The following VPS8 variants were observed in gnomAD, a reference collection of about 807,000 sequenced individuals.
The protein encoded by VPS8 is vacuolar protein sorting-associated protein 8 homolog.
In VPS8, 129 loss-of-function variants were observed where a neutral mutation model predicts 216.4. The observed-to-expected ratio is 0.60, with a 90% CI of 0.52 to 0.69. The LOEUF is 0.69. Among genes scored for constraint, VPS8 ranks in the 30% least tolerant of loss-of-function variants. The probability of loss-of-function intolerance (pLI) is 0.00; values close to 1 mark genes in which losing one functional copy is unlikely to be tolerated. For synonymous variants in VPS8, 571 were observed against 565.4 expected, an observed-to-expected ratio of 1.01 and a Z score of -0.14; for missense variants, 1,531 against 1,683.5, an observed-to-expected ratio of 0.91 and a Z score of 1.59.
intron 25 of VPS8, among the ~76,000 whole-genome samples, chr3:184,912,920 A>G (rs146033870): frequency 8.5e-5 from 13 of 152,310 alleles, no homozygotes; most frequent in African/African-American, 2.6e-4. Context: ...CTCCTGCTCC[A>G]TTCTGTATTG....
rs187827021 is a variant in VPS8, at chr3:184,894,882, C to T, written c.1961C>T (p.Ala654Val). The T allele has an allele frequency of 2.1e-5, 33 of 1,608,744 alleles. No homozygotes were observed. Among genetic ancestry groups the T allele is most frequent in the East Asian group, 4.5e-5 (2 of 44,736 alleles). ...AAAAAATTAATGGAAAATGTGGAAG[C>T]GCTCATTGTACATATGGATATCACC... ...QDKKLMENVE[A>V]LIVHMDITSL... The change falls in exon 23 of 48, where the codon GCG (alanine) becomes GTG (valine). Residue 654 changes from alanine (A) to valine (V), a missense_variant. This residue lies in a region of VPS8 where 1,318 missense variants were observed against 1,468.4 expected (regional missense o/e 0.90). Coordinates refer to ENST00000625842, the MANE Select transcript of VPS8 (RefSeq NM_001009921.3).
At chr3:184,962,119 T>A (rs192492842) in intron 37 of VPS8, among the ~76,000 whole-genome samples, 31 of 152,372 alleles carry the variant, frequency 2.0e-4, no homozygotes, top group South Asian at 2.1e-4. Flanking sequence ...ATTCATTTAA[T>A]GATCTTACGG....
intron 37 of VPS8, among the ~76,000 whole-genome samples, chr3:184,962,928 A>T (rs940136386): frequency 3.3e-5 from 5 of 152,148 alleles, no homozygotes; most frequent in African/African-American, 1.2e-4. Flanking sequence ...CCAGTGGTCC[A>T]TGTGGCATTT....
intron 9 of VPS8, chr3:184,849,443 C>A: frequency 3.1e-6 from 1 of 327,868 alleles, no homozygotes; most frequent in East Asian, 6.8e-5. Flanking sequence ...TTTTTGTAAA[C>A]CAACCAGGGA....
chr3:184,946,925 T>G (rs1304145255), intron 36 of VPS8, among the ~76,000 whole-genome samples: 2 of 152,060 alleles, frequency 1.3e-5, no homozygotes, highest in African/African-American at 4.8e-5. Flanking sequence ...AGAAGCTTAT[T>G]AATGTGTGAT....
chr3:184,824,693 G>A lies in VPS8; in HGVS notation c.61G>A (p.Glu21Lys). ...GAGCCTCTGTGCCAAGACGAGCGAAGAAGAGCTGAATAAGTCTTTCAATCT... is the reference window on the plus strand; with the variant it reads ...GAGCCTCTGTGCCAAGACGAGCGAAAAAGAGCTGAATAAGTCTTTCAATCT... Reference protein sequence around the residue: ...EQSLCAKTSEEELNKSFNLEA... With the variant: ...EQSLCAKTSEKELNKSFNLEA... The change falls in exon 2 of 48, where the codon GAA becomes AAA. Residue 21 changes from glutamate to lysine, a missense_variant. By Grantham distance (56) the Glu-to-Lys change is moderately conservative. Coordinates refer to ENST00000625842, the MANE Select transcript of VPS8 (RefSeq NM_001009921.3). The A allele has an allele frequency of 6.2e-7, 1 of 1,613,986 alleles. No homozygotes were observed. The highest frequency in any genetic ancestry group is 8.5e-7 in the Non-Finnish European group (1 of 1,179,882).
In VPS8 at chr3:184,966,676, A is replaced by T; in HGVS notation, c.3279A>T (p.Leu1093=). The T allele has an allele frequency of 5.7e-6, 9 of 1,591,604 alleles. No homozygotes were observed. Among genetic ancestry groups the T allele is most frequent in the Non-Finnish European group, 7.7e-6 (9 of 1,165,906 alleles). The part of the protein sequence containing the change: ...HGAFLIMLER[L]QSKLQEVTHQ... ...ATGTTCTTTTTATCTCCTAGAGACT[A>T]CAAAGCAAACTTCAAGAGGTAACAC... The change falls in exon 39 of 48, where the codon CTA becomes CTT. Residue 1093 remains leucine (L), a synonymous_variant. Coordinates refer to ENST00000625842, the MANE Select transcript of VPS8 (RefSeq NM_001009921.3).
rs937672672 is a variant in VPS8, at chr3:184,920,095, A to G, written c.2383-32A>G. ...TTTTCTTCTACATGTGCAAATAATA[A>G]TTACTTTAAAAAATTTATTTCTCCC... On this transcript the variant is annotated intron_variant, in intron 28 of 47. Coordinates refer to ENST00000625842, the MANE Select transcript of VPS8 (RefSeq NM_001009921.3). 2.1e-6 allele frequency: 3 copies of G among 1,402,782 alleles called. No individual in the cohort carries two copies. In the African/African-American group the frequency reaches 4.4e-5, roughly 20 times the overall value. The allele number at this position is 1,402,782 out of a possible 1,614,324, so 86.9% of individuals were successfully genotyped here.
At position 185,003,651 on chromosome 3, in the gene VPS8, T is replaced by A. The variant is rs1753762836; in HGVS notation, c.4002+3790T>A. 3.3e-5 allele frequency among the ~76,000 whole-genome samples: 5 copies of A among 152,262 alleles called. No individual in the cohort carries two copies. In the South Asian group the frequency reaches 1.0e-3, roughly 32 times the overall value. ...AACCGCCATTGTCATCATGGCCCGT[T>A]CTCAATGAGCTGTTGGGTACACCTC... On this transcript the variant is annotated intron_variant, in intron 45 of 47. Coordinates refer to ENST00000625842, the MANE Select transcript of VPS8 (RefSeq NM_001009921.3).
chr3:184,926,681 A>C (rs1176523162), intron 31 of VPS8, 31 bp downstream of exon 31: 4 of 1,572,084 alleles, frequency 2.5e-6, no homozygotes, highest in Non-Finnish European at 2.6e-6. Flanking sequence ...TTTTGCTAAA[A>C]AATAGGAAAG....
chr3:184,941,543 G>C (rs1315398707), intron 36 of VPS8, among the ~76,000 whole-genome samples: 1 of 151,760 alleles, frequency 6.6e-6, no homozygotes, highest in Admixed American at 6.6e-5. Context: ...GGGAGTGGGA[G>C]GGAAGAAAGG....
At chr3:185,040,852 C>A (rs1759523961) in intron 46 of VPS8, among the ~76,000 whole-genome samples, 1 of 152,040 alleles carries the variant, frequency 6.6e-6, no homozygotes, top group South Asian at 2.1e-4. Context: ...CATTTTTTTC[C>A]TCCCAAGGAT....
At position 184,984,166 on chromosome 3, in the gene VPS8, A is replaced by G. The variant is rs1750669372; in HGVS notation, c.3585+1072A>G. Among the ~76,000 whole-genome samples the G allele has an allele frequency of 2.0e-5, 3 of 148,852 alleles. No individual in the cohort carries two copies. In the South Asian group the frequency reaches 6.5e-4, roughly 32 times the overall value. The stretch of plus-strand genomic sequence containing the variant: ...GCCACTGCACTCCGGCCTGGGCAAC[A>G]GAGCGAGACTCCGTCTCAAAAAAAA... On this transcript the variant is annotated intron_variant, in intron 42 of 47. Coordinates refer to ENST00000625842, the MANE Select transcript of VPS8 (RefSeq NM_001009921.3).
At chr3:184,899,968 T>C (rs2108978938) in intron 24 of VPS8, among the ~76,000 whole-genome samples, 1 of 152,310 alleles carries the variant, frequency 6.6e-6, no homozygotes, top group Non-Finnish European at 1.5e-5. Flanking sequence ...GTGTTTAAAG[T>C]TTAGCTATTT....
intron 21 of VPS8, among the ~76,000 whole-genome samples, chr3:184,882,597 C>G (rs1257240494): frequency 6.6e-6 from 1 of 151,968 alleles, no homozygotes; most frequent in Non-Finnish European, 1.5e-5. Flanking sequence ...GAAATGTTTG[C>G]TCCTTTTCTG....
chr3:185,030,903 T>G (rs1192026341), intron 46 of VPS8, among the ~76,000 whole-genome samples: 3 of 151,910 alleles, frequency 2.0e-5, no homozygotes, highest in African/African-American at 7.3e-5. Context: ...ATTGGGATTA[T>G]AGGCATGAGC....
At chr3:185,009,999 A>C (rs1754789694) in intron 45 of VPS8, among the ~76,000 whole-genome samples, 1 of 151,544 alleles carries the variant, frequency 6.6e-6, no homozygotes, top group African/African-American at 2.4e-5. Flanking sequence ...AAAAAAAAAA[A>C]AAAAAAAGGT....
chr3:184,919,323 TC>T (rs1435061013), intron 28 of VPS8, among the ~76,000 whole-genome samples: 1 of 152,216 alleles, frequency 6.6e-6, no homozygotes, highest in Non-Finnish European at 1.5e-5. Context: ...TTTCTCAGAA[TC>T]AAATGAACTA....
Position 184,854,193 on chromosome 3 carries a change from T to C in VPS8, c.1035+20T>C, listed in dbSNP as rs770170680. On this transcript the variant is annotated intron_variant, in intron 13 of 47. Coordinates refer to ENST00000625842, the MANE Select transcript of VPS8 (RefSeq NM_001009921.3). The stretch of plus-strand genomic sequence containing the variant: ...GGCCGGGTGAGTACGTCCCTCCATC[T>C]TATTTGCCAAAGGAAGGACCATGTC... 1 of 1,613,038 alleles carries C rather than the reference T, an allele frequency of 6.2e-7. No individual in the cohort carries two copies. Among genetic ancestry groups the C allele is most frequent in the African/African-American group, 1.3e-5 (1 of 74,894 alleles).
Sources: allele counts gnomAD v4.1 joint callset (sites outside exome capture counted in the v4.1 genomes callset), GRCh38; gene constraint gnomAD v4.1.1; regional missense constraint gnomAD v4.1.1; transcripts MANE v1.5; gene names NCBI Gene and HGNC (gene_info 2026-07-23, HGNC 2026-07-21).